The following RSPO2 variants were observed in gnomAD, a reference collection of about 807,000 sequenced individuals.
RSPO2 encodes the protein R-spondin-2.
Under a neutral mutation model 30.9 loss-of-function variants are expected in RSPO2, and 14 were observed. The ratio of observed to expected loss-of-function variants is 0.45; its 90% CI spans 0.30 to 0.71. RSPO2 has a LOEUF of 0.71. Among genes scored for constraint, RSPO2 ranks in the 30% least tolerant of loss-of-function variants. The pLI, the probability that RSPO2 is intolerant of heterozygous loss-of-function variation, is 0.08. For missense variants in RSPO2, 264 were observed against 301.9 expected (o/e 0.87, Z 0.93); for synonymous variants, 107 against 96.4 (o/e 1.11, Z -0.64).
chr8:107,970,312 C>A (rs1009805422), intron 3 of RSPO2, among the ~76,000 whole-genome samples: 2 of 152,094 alleles, frequency 1.3e-5, no homozygotes, highest in African/African-American at 4.8e-5. Flanking sequence ...GTCTTAAAAT[C>A]TCAATGACTT....
intron 3 of RSPO2, among the ~76,000 whole-genome samples, chr8:107,972,704 G>T (rs1398469415): frequency 6.6e-6 from 1 of 152,020 alleles, no homozygotes; most frequent in African/African-American, 2.4e-5. Flanking sequence ...GATCAATACT[G>T]TAAAAAGAAA....
At chr8:108,029,018 A>G (rs1371937689) in intron 2 of RSPO2, among the ~76,000 whole-genome samples, 2 of 133,662 alleles carry the variant, frequency 1.5e-5, no homozygotes, top group African/African-American at 5.5e-5. Flanking sequence ...GGTACTTACT[A>G]GAGCAGGGTA....
chr8:107,926,799 C>T (rs914967368), intron 5 of RSPO2, among the ~76,000 whole-genome samples: 1 of 152,088 alleles, frequency 6.6e-6, no homozygotes, highest in Admixed American at 6.5e-5. Flanking sequence ...GTTACTGTAG[C>T]CTTGTAGTAT....
chr8:107,909,611 G>A (rs892867226), intron 5 of RSPO2, among the ~76,000 whole-genome samples: 1 of 152,036 alleles, frequency 6.6e-6, no homozygotes, highest in Non-Finnish European at 1.5e-5. Context: ...GAGTCATTTT[G>A]CAAGGAAGGC....
At chr8:107,903,012 T>C (rs527697345) in intron 5 of RSPO2, among the ~76,000 whole-genome samples, 1 of 152,138 alleles carries the variant, frequency 6.6e-6, no homozygotes, top group African/African-American at 2.4e-5. Context: ...TACAACTATT[T>C]AGTAACATTA....
At chr8:107,928,147 C>T (rs1405020666) in intron 5 of RSPO2, among the ~76,000 whole-genome samples, 3 of 152,058 alleles carry the variant, frequency 2.0e-5, no homozygotes, top group African/African-American at 2.4e-5. Flanking sequence ...ACCTTAAGTG[C>T]TAAGGATCTC....
intron 2 of RSPO2, among the ~76,000 whole-genome samples, chr8:108,016,142 T>C (rs1226780088): frequency 6.6e-6 from 1 of 152,138 alleles, no homozygotes; most frequent in Non-Finnish European, 1.5e-5. Flanking sequence ...TCCAGGACCA[T>C]CCAAAATAGT....
At chr8:107,971,750 AC>A (rs1814007594) in intron 3 of RSPO2, among the ~76,000 whole-genome samples, 1 of 152,172 alleles carries the variant, frequency 6.6e-6, no homozygotes, top group African/African-American at 2.4e-5. Context: ...TCATTTCCCT[AC>A]TTTAAAATGC....
chr8:108,056,465 C>CA (rs11316856), intron 2 of RSPO2, among the ~76,000 whole-genome samples: 11 of 148,332 alleles, frequency 7.4e-5, no homozygotes, highest in Non-Finnish European at 1.0e-4. Context: ...TAAAAATATA[C>CA]AAAAAAAAAT....
chr8:108,036,637 C>T, intron 2 of RSPO2, among the ~76,000 whole-genome samples: 1 of 152,186 alleles, frequency 6.6e-6, no homozygotes, highest in Admixed American at 6.5e-5. Flanking sequence ...CATTTTCTTG[C>T]ATTTCACTTT....
chr8:107,993,467 C>A (rs909617107), intron 2 of RSPO2, among the ~76,000 whole-genome samples: 6 of 151,932 alleles, frequency 3.9e-5, no homozygotes, highest in Non-Finnish European at 8.8e-5. Context: ...CAAACAGATA[C>A]AAAAAAGAGC....
chr8:107,962,872 C>T (rs1332954297), intron 3 of RSPO2, among the ~76,000 whole-genome samples: 1 of 152,100 alleles, frequency 6.6e-6, no homozygotes, highest in Non-Finnish European at 1.5e-5. Context: ...TCTGACTTCT[C>T]TTTAAAATAA....
At chr8:107,921,257 T>G (rs2130308637) in intron 5 of RSPO2, among the ~76,000 whole-genome samples, 1 of 146,316 alleles carries the variant, frequency 6.8e-6, no homozygotes, top group South Asian at 2.2e-4. Flanking sequence ...CTATAGAAAA[T>G]CGTTTTGATT....
At chr8:107,921,238 T>C (rs1054535057) in intron 5 of RSPO2, among the ~76,000 whole-genome samples, 7 of 151,358 alleles carry the variant, frequency 4.6e-5, no homozygotes, top group Admixed American at 4.6e-4. Flanking sequence ...TTTTGAAAAA[T>C]TTCTAAGACT....
intron 5 of RSPO2, among the ~76,000 whole-genome samples, chr8:107,941,651 A>G (rs865794209): frequency 6.6e-6 from 1 of 152,326 alleles, no homozygotes; most frequent in South Asian, 2.1e-4. Context: ...GAATAAATCT[A>G]ATCAGTGAGA....
chr8:108,009,689 G>T (rs1296387592), intron 2 of RSPO2, among the ~76,000 whole-genome samples: 1 of 152,178 alleles, frequency 6.6e-6, no homozygotes, highest in Non-Finnish European at 1.5e-5. Flanking sequence ...CAAATTTTGA[G>T]TTTCCAAACA....
In RSPO2 at chr8:107,946,161, T is replaced by C. The variant is rs148783641; in HGVS notation, c.616+11919A>G. On this transcript the variant is annotated intron_variant, in intron 5 of 5. Transcript: ENST00000276659. The stretch of plus-strand genomic sequence containing the variant: ...ATCCTTCACTCTGTGCTAGGCAAAG[T>C]ATGAATGATGTCCTTTAATCCTCAT... Among the ~76,000 whole-genome samples the C allele has an allele frequency of 2.7e-3, 410 of 152,352 alleles. 1 individual carries two copies. The highest frequency in any genetic ancestry group is 0.014 in the Middle Eastern group (4 of 294).
At chr8:108,011,229 G>A (rs1329644229) in intron 2 of RSPO2, among the ~76,000 whole-genome samples, 12 of 148,766 alleles carry the variant, frequency 8.1e-5, no homozygotes, top group African/African-American at 2.3e-4. Context: ...AAGGAAAAGG[G>A]AAAGGAAAAG....
chr8:108,016,695 T>C (rs1810900253), intron 2 of RSPO2, among the ~76,000 whole-genome samples: 1 of 152,194 alleles, frequency 6.6e-6, no homozygotes, highest in Non-Finnish European at 1.5e-5. Context: ...CACATTTAAA[T>C]GTGTTGTTGG....
Sources: gnomAD v4.1 joint callset for allele counts (sites outside exome capture counted in the v4.1 genomes callset) on GRCh38, gnomAD v4.1.1 for gene constraint, MANE v1.5 for transcripts, NCBI Gene and HGNC (gene_info 2026-07-23, HGNC 2026-07-21) for gene names.